Variants in NCOA3 observed in about 807,000 individuals in gnomAD.
The protein encoded by NCOA3 is nuclear receptor coactivator 3.
NCOA3 carries 51 observed loss-of-function variants against 158.8 expected under a neutral mutation model. The observed-to-expected ratio is 0.32, with a 90% CI of 0.26 to 0.41. The LOEUF (loss-of-function observed/expected upper bound fraction) is 0.41, where lower values mean the gene tolerates loss of function less well. Among genes scored for constraint, NCOA3 ranks in the 10% least tolerant of loss-of-function variants. NCOA3 has a pLI of 1.00. For synonymous variants in NCOA3, 537 were observed against 592.4 expected, an observed-to-expected ratio of 0.91 and a Z score of 1.36; for missense variants, 1,510 against 1,746.6, an observed-to-expected ratio of 0.86 and a Z score of 2.41.
intron 1 of NCOA3, among the ~76,000 whole-genome samples, chr20:47,572,412 A>T (rs574309892): frequency 6.6e-6 from 1 of 152,164 alleles, no homozygotes; most frequent in East Asian, 1.9e-4. Flanking sequence ...ATCTAGTAAA[A>T]GAAAAAAAAA....
intron 1 of NCOA3, among the ~76,000 whole-genome samples, chr20:47,540,624 C>CTCTGTGGGTCTGTGTGTA (rs1029786113): frequency 6.6e-6 from 1 of 151,840 alleles, no homozygotes; most frequent in Non-Finnish European, 1.5e-5. Flanking sequence ...GTGCTAGCTA[C>CTCTGTGGGTCTGTGTGTA]TCTGTGGGTC....
chr20:47,613,393 T>C (rs6122599), intron 2 of NCOA3, among the ~76,000 whole-genome samples: 43,540 of 149,888 alleles, frequency 0.29, 6,966 homozygotes, highest in East Asian at 0.59. Context: ...CCTGTTCTGC[T>C]AGCCTGAGAG....
At position 47,634,920 on chromosome 20, in the gene NCOA3, CTT is replaced by C. The variant is rs66801245; in HGVS notation, c.1113-382_1113-381del. Among the ~76,000 whole-genome samples the C allele has an allele frequency of 1.8e-3, 217 of 120,098 alleles. 2 individuals carry two copies. The highest frequency in any genetic ancestry group is 4.3e-3 in the South Asian group (15 of 3,496). 78.8% of individuals were successfully genotyped at this position (120,098 alleles called of 152,430 possible). A position where few individuals can be genotyped will look rare whatever the true frequency, so the allele number is the denominator to read the frequency against. On this transcript the variant is annotated intron_variant, in intron 10 of 22. Transcript: ENST00000371998. Reference sequence around the variant, plus strand: ...CTTCCTTTCTTCTTCTTCTCTTCTTCTTTTTTTTTTTTTTTTTTTTTAAACAG... The same window carrying C: ...CTTCCTTTCTTCTTCTTCTCTTCTTCTTTTTTTTTTTTTTTTTTTAAACAG...
chr20:47,553,770 T>C (rs1371336181), intron 1 of NCOA3, among the ~76,000 whole-genome samples: 2 of 152,186 alleles, frequency 1.3e-5, no homozygotes, highest in African/African-American at 4.8e-5. Flanking sequence ...GGTGTATATG[T>C]GCCATGTTTT....
chr20:47,526,840 A>G (rs945265030), intron 1 of NCOA3, among the ~76,000 whole-genome samples: 15 of 152,220 alleles, frequency 9.9e-5, no homozygotes, highest in African/African-American at 3.6e-4. Context: ...ATAGGGCTTT[A>G]CCATGTTGGC....
chr20:47,524,079 T>A (rs139526626), intron 1 of NCOA3, among the ~76,000 whole-genome samples: 1 of 152,346 alleles, frequency 6.6e-6, no homozygotes, highest in Non-Finnish European at 1.5e-5. Context: ...TTCCTGTCAG[T>A]GGGACAATAT....
intron 1 of NCOA3, among the ~76,000 whole-genome samples, chr20:47,538,270 A>G (rs2084667199): frequency 6.6e-6 from 1 of 152,188 alleles, no homozygotes; most frequent in African/African-American, 2.4e-5. Flanking sequence ...ACTTGACACA[A>G]GTCTTTTGGT....
intron 2 of NCOA3, among the ~76,000 whole-genome samples, chr20:47,590,712 G>A (rs1281537291): frequency 1.3e-5 from 2 of 152,220 alleles, no homozygotes; most frequent in South Asian, 2.1e-4. Context: ...TGGGGAGGCT[G>A]AGGTAGGAGG....
At chr20:47,649,455 C>T (rs576598841) in intron 19 of NCOA3, among the ~76,000 whole-genome samples, 46 of 152,190 alleles carry the variant, frequency 3.0e-4, no homozygotes, top group African/African-American at 1.0e-3. Context: ...TATGAAACAA[C>T]ATGCACACTG....
intron 1 of NCOA3, among the ~76,000 whole-genome samples, chr20:47,522,739 G>A (rs2084364336): frequency 6.6e-6 from 1 of 152,064 alleles, no homozygotes; most frequent in African/African-American, 2.4e-5. Context: ...GGGAGGCCAT[G>A]TTGCCAGGAA....
chr20:47,511,550 T>TATATATATATATATATATATACACAC lies in NCOA3; in HGVS notation c.-99+9537_-99+9538insATATATATATATATACACACATATAT. ...ATATATATATATATATATATATATA[T>TATATATATATATATATATATACACAC]ATATATTTCTTTTTTTTTTTGAGAC... is the stretch of plus-strand genomic sequence containing the variant. On this transcript the variant is annotated intron_variant, in intron 1 of 22. Coordinates refer to ENST00000371998, the MANE Select transcript of NCOA3 (RefSeq NM_181659.3). 1.9e-4 allele frequency among the ~76,000 whole-genome samples: 10 copies of TATATATATATATATATATATACACAC among 52,268 alleles called. 1 individual carries two copies. The highest frequency in any genetic ancestry group is 6.4e-4 in the Admixed American group (2 of 3,118). The allele number at this position is 52,268 out of a possible 152,430, so 34.3% of individuals were successfully genotyped here.
intron 1 of NCOA3, among the ~76,000 whole-genome samples, chr20:47,571,888 C>T (rs1038555549): frequency 2.1e-4 from 32 of 151,658 alleles, no homozygotes; most frequent in Non-Finnish European, 5.9e-5. Flanking sequence ...CCACCATGCT[C>T]GACTAATTTT....
intron 1 of NCOA3, among the ~76,000 whole-genome samples, chr20:47,511,560 T>TATATATATATATATATATC (rs1569310982): frequency 1.8e-4 from 1 of 5,518 alleles, no homozygotes; most frequent in Non-Finnish European, 1.3e-3. Context: ...TATATATTTC[T>TATATATATATATATATATC]TTTTTTTTTT....
rs1448996525 is a variant in NCOA3, at chr20:47,636,722, A to C, written c.2336A>C (p.Gln779Pro). 1.2e-6 allele frequency: 2 copies of C among 1,613,672 alleles called. No homozygotes were observed. The highest frequency in any genetic ancestry group is 1.7e-6 in the Non-Finnish European group (2 of 1,179,656). The change falls in exon 12 of 23, where the codon CAA becomes CCA. Residue 779 changes from glutamine (Q) to proline (P), a missense_variant. Coordinates refer to ENST00000371998, the MANE Select transcript of NCOA3 (RefSeq NM_181659.3). ...CTSSTIPSSSQEKDPKIKTET... is the reference protein window; with the variant it reads ...CTSSTIPSSSPEKDPKIKTET... ...AGCTCCACCATTCCTAGCTCAAGTCAAGAGAAAGACCCTAAAATTAAGACA... is the reference window on the plus strand; with the variant it reads ...AGCTCCACCATTCCTAGCTCAAGTCCAGAGAAAGACCCTAAAATTAAGACA...
At chr20:47,511,557 T>A (rs866121648) in intron 1 of NCOA3, among the ~76,000 whole-genome samples, 49 of 7,386 alleles carry the variant, frequency 6.6e-3, no homozygotes, top group Non-Finnish European at 0.015. Context: ...ATATATATAT[T>A]TCTTTTTTTT....
chr20:47,526,014 G>A (rs1250266376), intron 1 of NCOA3, among the ~76,000 whole-genome samples: 1 of 151,464 alleles, frequency 6.6e-6, no homozygotes, highest in African/African-American at 2.4e-5. Flanking sequence ...CGGGGTGGCT[G>A]CTGGGCGGAG....
rs538003777 is a variant in NCOA3 at position 47,634,091 on chromosome 20, G to A, written c.1008G>A (p.Ser336=). 5.6e-6 allele frequency: 9 copies of A among 1,614,020 alleles called. No homozygotes were observed. Among genetic ancestry groups the A allele is most frequent in the Non-Finnish European group, 7.6e-6 (9 of 1,179,994 alleles). The stretch of plus-strand genomic sequence containing the variant: ...CAGAAACCCCAGTATATCGATTCTC[G>A]TTGGCTGATGGAACTATAGTGACTG... ...GHAETPVYRF[S]LADGTIVTAQ... is the part of the protein sequence containing the mutation. The change falls in exon 10 of 23, where the codon TCG becomes TCA. Residue 336 remains serine (S), a synonymous_variant. Transcript: ENST00000371998.
intron 1 of NCOA3, among the ~76,000 whole-genome samples, chr20:47,517,339 C>G (rs2084250357): frequency 6.6e-6 from 1 of 152,200 alleles, no homozygotes; most frequent in African/African-American, 2.4e-5. Context: ...CCATCTTCTT[C>G]AAGTATTCGC....
At chr20:47,552,923 T>A (rs1327032201) in intron 1 of NCOA3, among the ~76,000 whole-genome samples, 1 of 143,772 alleles carries the variant, frequency 7.0e-6, no homozygotes, top group Non-Finnish European at 1.5e-5. Flanking sequence ...TCAAAATACA[T>A]GGTTAGATTT....
Sources: gnomAD v4.1 joint callset for allele counts (sites outside exome capture counted in the v4.1 genomes callset) on GRCh38, gnomAD v4.1.1 for gene constraint, MANE v1.5 for transcripts, NCBI Gene and HGNC (gene_info 2026-07-23, HGNC 2026-07-21) for gene names.